Variants in CD38 observed in about 807,000 individuals in gnomAD.
CD38 encodes the protein ADP-ribosyl cyclase/cyclic ADP-ribose hydrolase 1.
CD38 carries 31 observed loss-of-function variants against 36.3 expected under a neutral mutation model. The ratio of observed to expected loss-of-function variants is 0.85; its 90% confidence interval spans 0.64 to 1.15. The LOEUF is 1.15. CD38 is among the 50% of genes most tolerant of loss of function. CD38 has a pLI of 0.00. For missense variants in CD38, 380 were observed against 371.9 expected (o/e 1.02, Z -0.18); for synonymous variants, 131 against 135.2 (o/e 0.97, Z 0.22).
chr4:15,836,915 T>C (rs77261119), intron 4 of CD38, among the ~76,000 whole-genome samples: 2,069 of 152,278 alleles, frequency 0.014, 46 homozygotes, highest in African/African-American at 0.047. Context: ...CAAAATATAC[T>C]TGTTCCATAG....
At chr4:15,796,337 C>T (rs917338815) in intron 1 of CD38, among the ~76,000 whole-genome samples, 1 of 152,048 alleles carries the variant, frequency 6.6e-6, no homozygotes, top group African/African-American at 2.4e-5. Context: ...TTGTGTTTCC[C>T]AGGTCTGGCT....
Position 15,840,492 on chromosome 4 carries a change from AT to A in CD38, c.795del (p.Ile266Ter). 1.2e-6 allele frequency: 2 copies of A among 1,606,982 alleles called. No individual in the cohort carries two copies. Among genetic ancestry groups the A allele is most frequent in the Non-Finnish European group, 8.5e-7 (1 of 1,173,970 alleles). On this transcript the variant is annotated frameshift_variant, in exon 7 of 8. Transcript: ENST00000226279. LOFTEE classifies it low-confidence loss of function (END_TRUNC). ...QDPTIKELESIISKRNIQFSC... is the reference protein window; with the variant it reads ...QDPTIKELESXISKRNIQFSC... ...TCCCACCATAAAAGAGCTGGAATCGATTATAAGCAAAAGGAATATTCAATTT... is the reference window on the plus strand; with the variant it reads ...TCCCACCATAAAAGAGCTGGAATCGATATAAGCAAAAGGAATATTCAATTT...
intron 2 of CD38, among the ~76,000 whole-genome samples, chr4:15,819,510 A>G (rs1450790515): frequency 6.6e-6 from 1 of 152,174 alleles, no homozygotes; most frequent in Non-Finnish European, 1.5e-5. Context: ...ATGATAAAAC[A>G]TAGGAGCTGT....
intron 1 of CD38, among the ~76,000 whole-genome samples, chr4:15,809,639 A>G (rs1359029349): frequency 1.3e-5 from 2 of 152,102 alleles, no homozygotes; most frequent in East Asian, 3.9e-4. Context: ...CTGGTTTAGG[A>G]AGGAGCAAAT....
At chr4:15,828,979 G>A (rs576662582) in intron 3 of CD38, among the ~76,000 whole-genome samples, 188 of 152,200 alleles carry the variant, frequency 1.2e-3, no homozygotes, top group African/African-American at 4.2e-3. Flanking sequence ...GCCAACACTT[G>A]TTATTTATCT....
Position 15,849,709 on chromosome 4 carries a change from A to T in CD38, c.*1107A>T, listed in dbSNP as rs1309450845. 6.6e-6 allele frequency: 1 copy of T among 151,958 alleles called. No individual in the cohort carries two copies. The highest frequency in any genetic ancestry group is 1.5e-5 in the Non-Finnish European group (1 of 67,992). The allele number at this position is 151,958 out of a possible 1,614,324, so 9.4% of individuals were successfully genotyped here. A position where few individuals can be genotyped will look rare whatever the true frequency, so the allele number is the denominator to read the frequency against. On this transcript the variant is annotated 3_prime_UTR_variant, in exon 8 of 8. Transcript: ENST00000226279. ...GCTTTAGCTTCATTGATTTTTTTCT[A>T]TTTAATTGGGTTTTGCTCTTCTCTT...
At chr4:15,843,265 TA>T (rs1724243062) in intron 7 of CD38, among the ~76,000 whole-genome samples, 1 of 58,160 alleles carries the variant, frequency 1.7e-5, no homozygotes, top group Non-Finnish European at 3.0e-5. Flanking sequence ...TCAACATTCT[TA>T]AAGAAAAGAA....
intron 1 of CD38, among the ~76,000 whole-genome samples, chr4:15,800,017 CG>C (rs903494852): frequency 7.5e-4 from 114 of 152,164 alleles, no homozygotes; most frequent in African/African-American, 2.7e-3. Flanking sequence ...AAAGCAGACT[CG>C]GGGGGTATGC....
chr4:15,836,748 C>G (rs933876936), intron 4 of CD38, among the ~76,000 whole-genome samples: 2 of 152,174 alleles, frequency 1.3e-5, no homozygotes, highest in African/African-American at 4.8e-5. Flanking sequence ...TAGGTTGGTA[C>G]CTAGCTAAAT....
intron 1 of CD38, among the ~76,000 whole-genome samples, chr4:15,780,529 CACACA>C (rs1385836354): frequency 4.4e-5 from 6 of 136,946 alleles, no homozygotes; most frequent in Non-Finnish European, 7.9e-5. Context: ...CACACACACA[CACACA>C]CACACACACA....
rs748608697 is a variant in CD38 at position 15,832,000 on chromosome 4, TCTGA to T, written c.500-2213_500-2210del. ...TTTTATTCTTTTTTCTTTTGTCTCCTCTGACTGTGTATTTTCAAATAGCCTGTCT... is the reference window on the plus strand; with the variant it reads ...TTTTATTCTTTTTTCTTTTGTCTCCTCTGTGTATTTTCAAATAGCCTGTCT... On this transcript the variant is annotated intron_variant, in intron 3 of 7. Coordinates refer to ENST00000226279, the MANE Select transcript of CD38 (RefSeq NM_001775.4). Among the ~76,000 whole-genome samples, 3 of 152,184 alleles carry T rather than the reference TCTGA, an allele frequency of 2.0e-5. No homozygotes were observed. The South Asian group carries it at 6.2e-4, about 32-fold the overall frequency.
intron 3 of CD38, among the ~76,000 whole-genome samples, chr4:15,832,016 C>T (rs559032418): frequency 9.2e-4 from 140 of 152,128 alleles, no homozygotes; most frequent in Non-Finnish European, 1.6e-3. Flanking sequence ...TGTGTATTTT[C>T]AAATAGCCTG....
In CD38 at chr4:15,793,369, C is replaced by T. The variant is rs143588693; in HGVS notation, c.233+14722C>T. 5.1e-3 allele frequency among the ~76,000 whole-genome samples: 776 copies of T among 151,940 alleles called. 5 individuals carry two copies. The highest frequency in any genetic ancestry group is 0.018 in the African/African-American group (737 of 41,444). On this transcript the variant is annotated intron_variant, in intron 1 of 7. Transcript: ENST00000226279. ...TAAAGGGAACAAAGTTTTTATTTAA[C>T]ATGTTAATTTTATGCTTGTTTCTCT... is the stretch of plus-strand genomic sequence containing the variant.
chr4:15,798,783 TA>T (rs2148917957), intron 1 of CD38, among the ~76,000 whole-genome samples: 1 of 152,352 alleles, frequency 6.6e-6, no homozygotes, highest in East Asian at 1.9e-4. Flanking sequence ...CTTGTTGTTT[TA>T]TTTTTTTAAT....
chr4:15,785,989 G>A (rs1473432655), intron 1 of CD38, among the ~76,000 whole-genome samples: 1 of 152,136 alleles, frequency 6.6e-6, no homozygotes, highest in East Asian at 1.9e-4. Flanking sequence ...TCTTAAGGCA[G>A]CGCGTCTGGA....
chr4:15,789,890 A>C (rs558714768), intron 1 of CD38, among the ~76,000 whole-genome samples: 7 of 152,132 alleles, frequency 4.6e-5, no homozygotes, highest in Non-Finnish European at 8.8e-5. Flanking sequence ...GGCCTCCATA[A>C]CTTTAAGGAA....
At chr4:15,818,971 A>T (rs1479323129) in intron 2 of CD38, among the ~76,000 whole-genome samples, 2 of 152,178 alleles carry the variant, frequency 1.3e-5, no homozygotes, top group African/African-American at 4.8e-5. Context: ...ATCTTAACAC[A>T]TCTCCAACAA....
At chr4:15,821,766 C>T (rs1462551744) in intron 2 of CD38, among the ~76,000 whole-genome samples, 2 of 149,626 alleles carry the variant, frequency 1.3e-5, no homozygotes, top group African/African-American at 4.9e-5. Context: ...CAAAGAGGAG[C>T]TGATACCCTT....
At chr4:15,823,831 T>A (rs1723789504) in intron 2 of CD38, among the ~76,000 whole-genome samples, 1 of 152,196 alleles carries the variant, frequency 6.6e-6, no homozygotes, top group Non-Finnish European at 1.5e-5. Context: ...GAAATCATTC[T>A]ATTATAAAGA....
Sources: allele counts gnomAD v4.1 joint callset (sites outside exome capture counted in the v4.1 genomes callset), GRCh38; gene constraint gnomAD v4.1.1; transcripts MANE v1.5; gene names NCBI Gene and HGNC (gene_info 2026-07-23, HGNC 2026-07-21).